FAM210A: variants seen among roughly 807,000 people sequenced by gnomAD.
FAM210A encodes mitochondrial inner membrane scaffold 1.
FAM210A carries 13 observed loss-of-function variants against 25.3 expected under a neutral mutation model. The ratio of observed to expected loss-of-function variants is 0.51; its 90% CI spans 0.33 to 0.82. The LOEUF is 0.82. FAM210A is among the 40% of genes least tolerant of loss of function. The pLI, the probability that FAM210A is intolerant of heterozygous loss-of-function variation, is 0.02. For synonymous variants in FAM210A, 125 were observed against 118.7 expected (o/e 1.05, Z -0.35); for missense variants, 319 against 323.2 (o/e 0.99, Z 0.10).
At chr18:13,691,308 T>C (rs1230745848) in intron 1 of FAM210A, among the ~76,000 whole-genome samples, 2 of 152,142 alleles carry the variant, frequency 1.3e-5, no homozygotes, top group Non-Finnish European at 2.9e-5. Flanking sequence ...ATGGGGAGAA[T>C]GAAACCAAGT....
intron 3 of FAM210A, among the ~76,000 whole-genome samples, chr18:13,668,174 C>G (rs1443442152): frequency 6.6e-6 from 1 of 152,198 alleles, no homozygotes; most frequent in East Asian, 1.9e-4. Context: ...TTCACCCATA[C>G]CTCTTCACCA....
At chr18:13,694,605 T>A (rs1017841478) in intron 1 of FAM210A, among the ~76,000 whole-genome samples, 2 of 152,046 alleles carry the variant, frequency 1.3e-5, no homozygotes, top group Non-Finnish European at 2.9e-5. Flanking sequence ...TGACAAAAAC[T>A]AGAAATGGGG....
At chr18:13,704,910 G>A (rs915978526) in intron 1 of FAM210A, among the ~76,000 whole-genome samples, 3 of 151,930 alleles carry the variant, frequency 2.0e-5, no homozygotes, top group East Asian at 3.9e-4. Context: ...TGCTTAATGC[G>A]GTTTCTAAAA....
intron 1 of FAM210A, among the ~76,000 whole-genome samples, chr18:13,713,769 C>A (rs964171456): frequency 7.6e-6 from 1 of 132,134 alleles, no homozygotes; most frequent in African/African-American, 2.8e-5. Flanking sequence ...GAGACAGGGT[C>A]TTGCTCTGTC....
Position 13,663,573 on chromosome 18 carries a change from A to G in FAM210A, c.*2907T>C, listed in dbSNP as rs184775927. 7.2e-5 allele frequency: 11 copies of G among 152,216 alleles called. No homozygotes were observed. Among genetic ancestry groups the G allele is most frequent in the Middle Eastern group, 6.8e-3 (2 of 294 alleles). 9.4% of individuals were successfully genotyped at this position (152,216 alleles called of 1,614,324 possible). On this transcript the variant is annotated 3_prime_UTR_variant, in exon 4 of 4. Transcript: ENST00000651643. ...TTTCATTTCAAATATCAATTTGCTT[A>G]GCAAACCCTTTTTGTGCATTTTACA...
At chr18:13,672,805 T>C (rs2043454649) in intron 2 of FAM210A, among the ~76,000 whole-genome samples, 1 of 152,236 alleles carries the variant, frequency 6.6e-6, no homozygotes, top group Non-Finnish European at 1.5e-5. Context: ...AACGACACTA[T>C]GGGTTTGATG....
At chr18:13,675,668 A>T (rs1379328396) in intron 2 of FAM210A, among the ~76,000 whole-genome samples, 47 of 59,362 alleles carry the variant, frequency 7.9e-4, no homozygotes, top group South Asian at 1.1e-3. Context: ...TGGCTTCTTT[A>T]TTTCCAGTTT....
At position 13,666,694 on chromosome 18, in the gene FAM210A, T is replaced by C. The variant is rs770018973; in HGVS notation, c.605A>G (p.Tyr202Cys). ...ALFKIATPAR[Y>C]TVTLGGTSVT... ...AGATGTTCCTCCCAAAGTCACGGTA[T>C]ACCGAGCAGGTGTTGCAATCTTAAG... The change falls in exon 4 of 4, where the codon TAT (tyrosine) becomes TGT (cysteine). Residue 202 changes from tyrosine (Y) to cysteine (C), a missense_variant. By Grantham distance (194) the Tyr-to-Cys change is radical. Coordinates refer to ENST00000651643, the MANE Select transcript of FAM210A (RefSeq NM_152352.4). The C allele has an allele frequency of 5.0e-6, 8 of 1,613,784 alleles. No individual in the cohort carries two copies. Among genetic ancestry groups the C allele is most frequent in the African/African-American group, 2.7e-5 (2 of 74,942 alleles).
chr18:13,691,305 G>C (rs1478711639), intron 1 of FAM210A, among the ~76,000 whole-genome samples: 1 of 152,212 alleles, frequency 6.6e-6, no homozygotes, highest in African/African-American at 2.4e-5. Context: ...GTGATGGGGA[G>C]AATGAAACCA....
intron 3 of FAM210A, among the ~76,000 whole-genome samples, chr18:13,669,454 T>A (rs919394466): frequency 6.6e-6 from 1 of 152,144 alleles, no homozygotes; most frequent in Non-Finnish European, 1.5e-5. Context: ...ACTCCCAGGA[T>A]CCTGCAGCCT....
chr18:13,677,002 T>G (rs1286413134), intron 2 of FAM210A, among the ~76,000 whole-genome samples: 1 of 151,746 alleles, frequency 6.6e-6, no homozygotes, highest in East Asian at 1.9e-4. Flanking sequence ...TCTATTTGGC[T>G]GGGAGCATCG....
intron 1 of FAM210A, among the ~76,000 whole-genome samples, chr18:13,706,860 GA>G (rs904599651): frequency 6.6e-6 from 1 of 152,198 alleles, no homozygotes; most frequent in Admixed American, 6.5e-5. Flanking sequence ...GGGATTAACA[GA>G]AAAAACCACT....
intron 3 of FAM210A, among the ~76,000 whole-genome samples, chr18:13,666,926 C>G (rs533576071): frequency 6.6e-6 from 1 of 152,206 alleles, no homozygotes; most frequent in East Asian, 1.9e-4. Context: ...TTGTCCTCTA[C>G]ACAATCCTGA....
At chr18:13,709,099 T>C (rs1338505891) in intron 1 of FAM210A, among the ~76,000 whole-genome samples, 1 of 152,228 alleles carries the variant, frequency 6.6e-6, no homozygotes, top group Non-Finnish European at 1.5e-5. Context: ...ATCAGATTCC[T>C]CTCACATTCT....
chr18:13,681,741 C>G lies in FAM210A; in HGVS notation c.337G>C (p.Asp113His). 6.2e-7 allele frequency: 1 copy of G among 1,614,172 alleles called. No homozygotes were observed. Among genetic ancestry groups the G allele is most frequent in the Non-Finnish European group, 8.5e-7 (1 of 1,180,028 alleles). The change falls in exon 2 of 4, where the codon GAT (aspartate) becomes CAT (histidine). Residue 113 changes from aspartate (D) to histidine (H), a missense_variant. Transcript: ENST00000651643. ...QGTPEKKEEP[D>H]PLQDKSISLY... is the part of the protein sequence containing the mutation. ...CTAATAGATTTGTCTTGCAAAGGAT[C>G]AGGCTCTTCCTTTTTTTCCGGAGTT...
At chr18:13,715,667 CAG>C (rs1385520524) in intron 1 of FAM210A, among the ~76,000 whole-genome samples, 2 of 152,254 alleles carry the variant, frequency 1.3e-5, no homozygotes, top group African/African-American at 2.4e-5. Context: ...CAAACTTGCA[CAG>C]AGTTATTACA....
intron 1 of FAM210A, among the ~76,000 whole-genome samples, chr18:13,689,091 C>T (rs2043621142): frequency 6.6e-6 from 1 of 152,242 alleles, no homozygotes; most frequent in South Asian, 2.1e-4. Context: ...CTTCATCCCT[C>T]CCTGAGGCAT....
intron 1 of FAM210A, among the ~76,000 whole-genome samples, chr18:13,689,585 T>C (rs1424564149): frequency 1.3e-5 from 2 of 152,152 alleles, no homozygotes; most frequent in African/African-American, 4.8e-5. Flanking sequence ...CCCCCGTGGC[T>C]GGGAACAAGG....
chr18:13,674,079 C>T (rs1313356203), intron 2 of FAM210A, among the ~76,000 whole-genome samples: 2 of 150,856 alleles, frequency 1.3e-5, no homozygotes, highest in African/African-American at 2.4e-5. Flanking sequence ...TATTATAATT[C>T]CTGAGCCCTG....
Sources: allele counts gnomAD v4.1 joint callset (sites outside exome capture counted in the v4.1 genomes callset), GRCh38; gene constraint gnomAD v4.1.1; transcripts MANE v1.5; gene names NCBI Gene and HGNC (gene_info 2026-07-23, HGNC 2026-07-21).